SHROOM3: variants seen among roughly 807,000 people sequenced by gnomAD.
SHROOM3 encodes shroom family member 3, also known as protein Shroom3.
In SHROOM3, 47 loss-of-function variants were observed where a neutral mutation model predicts 138.6. The ratio of observed to expected loss-of-function variants is 0.34; its 90% CI spans 0.27 to 0.43. The LOEUF (loss-of-function observed/expected upper bound fraction) is 0.43. SHROOM3 is among the 20% of genes least tolerant of loss of function. The pLI is 1.00. For synonymous variants in SHROOM3, 1,062 were observed against 1,063.3 expected, an observed-to-expected ratio of 1.00 and a Z score of 0.02; for missense variants, 2,491 against 2,596.5, an observed-to-expected ratio of 0.96 and a Z score of 0.88.
intron 9 of SHROOM3, among the ~76,000 whole-genome samples, chr4:76,765,358 A>G (rs1156320481): frequency 6.6e-6 from 1 of 151,870 alleles, no homozygotes; most frequent in Admixed American, 6.6e-5. Context: ...CTACAAAAAA[A>G]AAAAAAAAAA....
chr4:76,491,505 C>T (rs951177118), intron 1 of SHROOM3, among the ~76,000 whole-genome samples: 25 of 152,152 alleles, frequency 1.6e-4, no homozygotes, highest in African/African-American at 5.6e-4. Context: ...CAGGTGGATA[C>T]TTATTGGAAA....
Position 76,778,850 on chromosome 4 carries a change from T to C in SHROOM3, c.5664T>C (p.His1888=). The C allele has an allele frequency of 1.7e-5, 28 of 1,612,716 alleles. No individual in the cohort carries two copies. The highest frequency in any genetic ancestry group is 2.3e-5 in the Non-Finnish European group (27 of 1,180,016). Residue 1888 remains histidine (H), a synonymous_variant, in exon 11 of 11, where the codon CAT becomes CAC. Coordinates refer to ENST00000296043, the MANE Select transcript of SHROOM3 (RefSeq NM_020859.4). ...YEKRKILAGQ[H]EDARELKENL... ...AAAGGAAGATCCTGGCTGGTCAGCA[T>C]GAGGATGCCCGGGAGCTGAAGGAGA...
intron 1 of SHROOM3, among the ~76,000 whole-genome samples, chr4:76,517,303 G>C (rs890522637): frequency 3.9e-5 from 6 of 152,224 alleles, no homozygotes; most frequent in South Asian, 4.2e-4. Context: ...GCATTGGATG[G>C]GTGTAGGCAA....
rs776599117 is a variant in SHROOM3 at position 76,756,542 on chromosome 4, C to T, written c.4803C>T (p.Leu1601=). The part of the protein sequence containing the change: ...VVGSQTLASR[L]QTSIKGSEAE... ...GTAGTCAGACACTGGCTTCCAGACTCCAAACTTCTATCAAGGGTTCAGAGG... is the reference window on the plus strand; with the variant it reads ...GTAGTCAGACACTGGCTTCCAGACTTCAAACTTCTATCAAGGGTTCAGAGG... The change falls in exon 8 of 11, where the codon CTC becomes CTT. Residue 1601 remains leucine (L), a synonymous_variant. Transcript: ENST00000296043. The T allele has an allele frequency of 1.9e-6, 3 of 1,613,782 alleles. No homozygotes were observed. The highest frequency in any genetic ancestry group is 2.5e-6 in the Non-Finnish European group (3 of 1,180,008).
chr4:76,455,486 G>T (rs1257488176), intron 1 of SHROOM3, among the ~76,000 whole-genome samples: 1 of 151,768 alleles, frequency 6.6e-6, no homozygotes, highest in Non-Finnish European at 1.5e-5. Context: ...TATTTACCTA[G>T]CAAAAACTTC....
chr4:76,493,574 A>G (rs1731900376), intron 1 of SHROOM3, among the ~76,000 whole-genome samples: 1 of 152,186 alleles, frequency 6.6e-6, no homozygotes, highest in Admixed American at 6.6e-5. Context: ...GGACTAAGAT[A>G]CATATTAGGA....
chr4:76,739,993 A>G lies in SHROOM3; in HGVS notation c.1820A>G (p.Gln607Arg). Residue 607 changes from glutamine (Q) to arginine (R), a missense_variant, in exon 5 of 11, where the codon CAG (glutamine) becomes CGG (arginine). By Grantham distance (43) the Gln-to-Arg change is conservative. Around this residue, in one of 4 missense-constraint regions of SHROOM3, gnomAD observed 1,733 missense variants for 1,661.6 expected, o/e 1.04. Coordinates refer to ENST00000296043, the MANE Select transcript of SHROOM3 (RefSeq NM_020859.4). ...CATCCCCACAGCCTCAAATGCCCTC[A>G]GGCTCAGGCCTGGCAAGCGGGTGAA... ...SSHPHSLKCP[Q>R]AQAWQAGEDK... The G allele has an allele frequency of 6.2e-7, 1 of 1,614,070 alleles. No individual in the cohort carries two copies. The highest frequency in any genetic ancestry group is 1.1e-5 in the South Asian group (1 of 91,088).
chr4:76,452,453 A>G (rs1347444310), intron 1 of SHROOM3, among the ~76,000 whole-genome samples: 1 of 152,214 alleles, frequency 6.6e-6, no homozygotes, highest in African/African-American at 2.4e-5. Flanking sequence ...AAACTTGATT[A>G]GTCTAGGTGC....
chr4:76,576,286 G>A (rs551689462), intron 2 of SHROOM3, among the ~76,000 whole-genome samples: 2 of 152,160 alleles, frequency 1.3e-5, no homozygotes, highest in East Asian at 3.9e-4. Flanking sequence ...AGAAAATGTG[G>A]TACTTACACA....
chr4:76,452,419 C>T (rs570425784), intron 1 of SHROOM3, among the ~76,000 whole-genome samples: 36 of 152,304 alleles, frequency 2.4e-4, no homozygotes, highest in African/African-American at 7.5e-4. Context: ...CCCTGGCAAC[C>T]GCCATTCTAC....
chr4:76,591,347 A>G (rs1560556820), intron 2 of SHROOM3, among the ~76,000 whole-genome samples: 2 of 152,240 alleles, frequency 1.3e-5, no homozygotes. Flanking sequence ...AATGGCGTCT[A>G]TAAAGAAGTA....
At chr4:76,701,589 T>C (rs554586470) in intron 2 of SHROOM3, among the ~76,000 whole-genome samples, 7 of 152,342 alleles carry the variant, frequency 4.6e-5, no homozygotes, top group Non-Finnish European at 7.3e-5. Context: ...AAGTAATGAA[T>C]AATGGTTCGC....
intron 2 of SHROOM3, among the ~76,000 whole-genome samples, chr4:76,669,060 T>C (rs1718803208): frequency 6.6e-6 from 1 of 152,256 alleles, no homozygotes; most frequent in Non-Finnish European, 1.5e-5. Flanking sequence ...GGAAAAATAC[T>C]GATTGTGTGA....
intron 2 of SHROOM3, among the ~76,000 whole-genome samples, chr4:76,642,616 T>C (rs1226926614): frequency 2.0e-5 from 3 of 152,172 alleles, no homozygotes; most frequent in Non-Finnish European, 4.4e-5. Flanking sequence ...ACAAAGTTGT[T>C]TGAAATTTAA....
chr4:76,555,673 A>C lies in SHROOM3; in HGVS notation c.233A>C (p.His78Pro). 2 of 1,614,150 alleles carry C rather than the reference A, an allele frequency of 1.2e-6. No individual in the cohort carries two copies. Among genetic ancestry groups the C allele is most frequent in the Non-Finnish European group, 1.7e-6 (2 of 1,180,030 alleles). Residue 78 changes from histidine (H) to proline (P), a missense_variant, in exon 2 of 11, where the codon CAC becomes CCC. By Grantham distance (77) the His-to-Pro change is moderately conservative. Around this residue, in one of 4 missense-constraint regions of SHROOM3, gnomAD observed 284 missense variants for 322.8 expected, o/e 0.88. Coordinates refer to ENST00000296043, the MANE Select transcript of SHROOM3 (RefSeq NM_020859.4). ...SKLQAGDEVV[H>P]INEVTLSSSR... ...CTGCAGGCTGGGGATGAGGTTGTGC[A>C]CATCAATGAGGTGACTCTGAGCAGC...
At chr4:76,684,839 T>C (rs1202628561) in intron 2 of SHROOM3, among the ~76,000 whole-genome samples, 1 of 152,218 alleles carries the variant, frequency 6.6e-6, no homozygotes, top group Non-Finnish European at 1.5e-5. Context: ...TGAAAGAAAT[T>C]ATAGAGTTTT....
At chr4:76,704,044 T>C (rs1365966359) in intron 2 of SHROOM3, among the ~76,000 whole-genome samples, 1 of 152,216 alleles carries the variant, frequency 6.6e-6, no homozygotes, top group Non-Finnish European at 1.5e-5. Flanking sequence ...TAGATTCTAT[T>C]TTCAAGAAGA....
chr4:76,756,096 G>T (rs557551365), intron 7 of SHROOM3, among the ~76,000 whole-genome samples: 11 of 152,282 alleles, frequency 7.2e-5, no homozygotes, highest in African/African-American at 2.4e-4. Flanking sequence ...CTGGGCTCAG[G>T]AGCCCCTTTA....
intron 1 of SHROOM3, among the ~76,000 whole-genome samples, chr4:76,466,144 C>T (rs1304195498): frequency 6.6e-6 from 1 of 152,168 alleles, no homozygotes; most frequent in East Asian, 1.9e-4. Context: ...ATGTTCTCAA[C>T]AGGCTTCTTG....
Sources: gnomAD v4.1 joint callset for allele counts (sites outside exome capture counted in the v4.1 genomes callset) on GRCh38, gnomAD v4.1.1 for gene constraint, gnomAD v4.1.1 regional missense constraint, MANE v1.5 for transcripts, NCBI Gene and HGNC (gene_info 2026-07-23, HGNC 2026-07-21) for gene names.